Variants in PKHD1L1 observed in about 807,000 individuals in gnomAD.
PKHD1L1 encodes fibrocystin-L.
A neutral mutation model predicts 462.9 loss-of-function variants in PKHD1L1; 434 were observed. The observed-to-expected ratio is 0.94, with a 90% confidence interval of 0.87 to 1.02. PKHD1L1 has a LOEUF of 1.02. Among genes scored for constraint, PKHD1L1 ranks in the 50% least tolerant of loss-of-function variants. The probability of loss-of-function intolerance (pLI) is 0.00; values close to 1 mark genes in which losing one functional copy is unlikely to be tolerated. For missense variants in PKHD1L1, 5,202 were observed against 5,096.1 expected, an observed-to-expected ratio of 1.02 and a Z score of -0.63; for synonymous variants, 1,781 against 1,750.0, an observed-to-expected ratio of 1.02 and a Z score of -0.44.
intron 5 of PKHD1L1, 103 bp downstream of exon 5, chr8:109,384,230 AT>A (rs1229880429): frequency 1.1e-5 from 10 of 936,434 alleles, no homozygotes; most frequent in South Asian, 6.1e-5. Context: ...TTTAAATAGC[AT>A]TTTTTTCATT....
Position 109,381,393 on chromosome 8 carries a change from A to G in PKHD1L1, c.187A>G (p.Asn63Asp). The G allele has an allele frequency of 6.3e-7, 1 of 1,577,662 alleles. No individual in the cohort carries two copies. Among genetic ancestry groups the G allele is most frequent in the Non-Finnish European group, 8.6e-7 (1 of 1,159,852 alleles). Residue 63 changes from asparagine (N) to aspartate (D), a missense_variant, in exon 3 of 78, where the codon AAC becomes GAC. Asn to Asp is a conservative substitution (Grantham distance 23). Coordinates refer to ENST00000378402, the MANE Select transcript of PKHD1L1 (RefSeq NM_177531.6). ...GEGFSQANQF[N>D]YGVDNAELGN... ...AGGTTTTTCTCAAGCAAACCAGTTTAACTATGGAGTTGATAACGCTGAGTT... is the reference window on the plus strand; with the variant it reads ...AGGTTTTTCTCAAGCAAACCAGTTTGACTATGGAGTTGATAACGCTGAGTT...
At chr8:109,388,576 A>G in intron 7 of PKHD1L1, 26 bp downstream of exon 7, 3 of 1,442,240 alleles carry the variant, frequency 2.1e-6, no homozygotes, top group Non-Finnish European at 2.9e-6. Context: ...TATTTTCTTT[A>G]CAAAAACAAA....
At chr8:109,409,381 C>T (rs1394864274) in intron 18 of PKHD1L1, among the ~76,000 whole-genome samples, 1 of 152,022 alleles carries the variant, frequency 6.6e-6, no homozygotes, top group East Asian at 1.9e-4. Context: ...TCCTGAGTAG[C>T]TGGGACTACA....
chr8:109,456,835 T>C (rs995660198), intron 46 of PKHD1L1, among the ~76,000 whole-genome samples: 1 of 152,192 alleles, frequency 6.6e-6, no homozygotes, highest in African/African-American at 2.4e-5. Context: ...TGAACTCTCT[T>C]ATCTTACAGC....
intron 51 of PKHD1L1, 149 bp from the exon 52 acceptor site, chr8:109,476,359 A>G: frequency 3.7e-6 from 2 of 544,232 alleles, no homozygotes; most frequent in Admixed American, 3.6e-5. Context: ...ACGTTAATAA[A>G]CAAAATAGAA....
Position 109,485,181 on chromosome 8 carries a change from G to T in PKHD1L1, c.9706+8G>T. On this transcript the variant is annotated splice_region_variant and intron_variant, in intron 58 of 77. Coordinates refer to ENST00000378402, the MANE Select transcript of PKHD1L1 (RefSeq NM_177531.6). Reference sequence around the variant, plus strand: ...TTTCCTATACTCACTTTGGTAAGTGGATGCTTTTTAACCAAATAGATATAT... The same window carrying T: ...TTTCCTATACTCACTTTGGTAAGTGTATGCTTTTTAACCAAATAGATATAT... 6.4e-7 allele frequency: 1 copy of T among 1,553,706 alleles called. No individual in the cohort carries two copies. Among genetic ancestry groups the T allele is most frequent in the Non-Finnish European group, 8.7e-7 (1 of 1,147,180 alleles).
In PKHD1L1 at chr8:109,490,056, G is replaced by T; in HGVS notation, c.9984+1G>T. ...TGTAACGTTTCTTAACCTAGGACAG[G>T]TTTGTGCTTTATTTTTAATTTTGTG... is the stretch of plus-strand genomic sequence containing the variant. On this transcript the variant is annotated splice_donor_variant, in intron 60 of 77. Coordinates refer to ENST00000378402, the MANE Select transcript of PKHD1L1 (RefSeq NM_177531.6). LOFTEE classifies it high-confidence loss of function. The T allele has an allele frequency of 6.4e-7, 1 of 1,551,426 alleles. No individual in the cohort carries two copies. Among genetic ancestry groups the T allele is most frequent in the Non-Finnish European group, 8.7e-7 (1 of 1,143,558 alleles).
At chr8:109,367,330 T>C (rs996539764) in intron 2 of PKHD1L1, among the ~76,000 whole-genome samples, 4 of 152,266 alleles carry the variant, frequency 2.6e-5, no homozygotes, top group South Asian at 4.1e-4. Context: ...CAAGAACTAC[T>C]TCTAAATGGA....
chr8:109,442,449 A>G (rs918941678), intron 35 of PKHD1L1, among the ~76,000 whole-genome samples: 7 of 152,226 alleles, frequency 4.6e-5, no homozygotes, highest in Non-Finnish European at 1.0e-4. Flanking sequence ...TGAAAAACAT[A>G]TTGAAAAAGC....
chr8:109,412,259 CG>C lies in PKHD1L1; in HGVS notation c.2086-4del. The C allele has an allele frequency of 6.2e-7, 1 of 1,610,312 alleles. No homozygotes were observed. The highest frequency in any genetic ancestry group is 8.5e-7 in the Non-Finnish European group (1 of 1,178,418). ...GTTTTCATTTGAAATATTATTGTTTCGGTAGGAACATATTAACAGAGGGCAG... is the reference window on the plus strand; with the variant it reads ...GTTTTCATTTGAAATATTATTGTTTCGTAGGAACATATTAACAGAGGGCAG... On this transcript the variant is annotated splice_polypyrimidine_tract_variant and splice_region_variant and intron_variant, in intron 19 of 77. Coordinates refer to ENST00000378402, the MANE Select transcript of PKHD1L1 (RefSeq NM_177531.6).
Position 109,522,877 on chromosome 8 carries a change from C to A in PKHD1L1, c.12317C>A (p.Ala4106Glu). Reference sequence around the variant, plus strand: ...TTTCCTCAGCAGCCTTCGGTAAAGGCAACAGATTCTGACGTAAGTCATAAC... The same window carrying A: ...TTTCCTCAGCAGCCTTCGGTAAAGGAAACAGATTCTGACGTAAGTCATAAC... ...QPFPQQPSVK[A>E]TDSDGNCVSV... Residue 4106 changes from alanine to glutamate, a missense_variant, in exon 75 of 78, where the codon GCA becomes GAA. Around this residue, in one of 3 missense-constraint regions of PKHD1L1, gnomAD observed 698 missense variants for 736.3 expected, o/e 0.95. Transcript: ENST00000378402. 1.2e-6 allele frequency: 2 copies of A among 1,604,750 alleles called. No individual in the cohort carries two copies. The highest frequency in any genetic ancestry group is 1.7e-6 in the Non-Finnish European group (2 of 1,176,638).
rs377618280 is a variant in PKHD1L1, at chr8:109,441,175, T to A, written c.4100-100T>A. 13 of 798,926 alleles carry A rather than the reference T, an allele frequency of 1.6e-5. No homozygotes were observed. The East Asian group carries it at 2.0e-4, about 12-fold the overall frequency. The allele number at this position is 798,926 out of a possible 1,614,324, so 49.5% of individuals were successfully genotyped here. On this transcript the variant is annotated intron_variant, in intron 33 of 77. Coordinates refer to ENST00000378402, the MANE Select transcript of PKHD1L1 (RefSeq NM_177531.6). ...ATATAAGGCAGAGTTTTTTTTAGGG[T>A]CTTGGCTGTTGATGAATTATGCTTC...
chr8:109,440,990 G>A, intron 33 of PKHD1L1, 138 bp downstream of exon 33: 1 of 1,089,770 alleles, frequency 9.2e-7, no homozygotes, highest in African/African-American at 1.6e-5. Context: ...AGTGTATTTG[G>A]TTAAAGTGAT....
intron 21 of PKHD1L1, among the ~76,000 whole-genome samples, chr8:109,415,079 C>A (rs1490831335): frequency 1.3e-5 from 2 of 151,600 alleles, no homozygotes; most frequent in South Asian, 2.1e-4. Context: ...TTCACTGCAG[C>A]CTTCACCTTC....
rs546144726 is a variant in PKHD1L1 at position 109,533,171 on chromosome 8, C to T, written c.*3081C>T. On this transcript the variant is annotated 3_prime_UTR_variant, in exon 78 of 78. Transcript: ENST00000378402. The stretch of plus-strand genomic sequence containing the variant: ...GCTTCATTGGGAAGAGTTTTTAATC[C>T]AAATTCCTGTTCAAATTCTTGGTTT... Among the ~76,000 whole-genome samples the T allele has an allele frequency of 1.4e-4, 21 of 152,286 alleles. No homozygotes were observed. Among genetic ancestry groups the T allele is most frequent in the Admixed American group, 1.4e-3 (21 of 15,304 alleles).
chr8:109,382,533 T>C lies in PKHD1L1; in HGVS notation c.379T>C (p.Cys127Arg). 1 of 1,612,732 alleles carries C rather than the reference T, an allele frequency of 6.2e-7. No individual in the cohort carries two copies. The highest frequency in any genetic ancestry group is 8.5e-7 in the Non-Finnish European group (1 of 1,179,210). Residue 127 changes from cysteine (C) to arginine (R), a missense_variant, in exon 4 of 78, where the codon TGC becomes CGC. Transcript: ENST00000378402. ...GGTTCCTGTTACGGAAAATAACACC[T>C]GCAAAGGTCACATCAACAGCTGGGA... ...DGVPVTENNT[C>R]KGHINSWECT...
At chr8:109,389,286 C>T (rs1812593908) in intron 8 of PKHD1L1, 134 bp downstream of exon 8, 2 of 606,634 alleles carry the variant, frequency 3.3e-6, no homozygotes, top group East Asian at 6.0e-5. Context: ...TGTATTTTCT[C>T]TTTTCCTTGG....
chr8:109,444,138 A>G (rs1195197345), intron 37 of PKHD1L1, among the ~76,000 whole-genome samples: 3 of 151,522 alleles, frequency 2.0e-5, no homozygotes, highest in African/African-American at 7.3e-5. Flanking sequence ...AAAAACCCTA[A>G]AGCCCTTAGA....
At chr8:109,405,893 G>T (rs1442800655) in intron 16 of PKHD1L1, among the ~76,000 whole-genome samples, 4 of 152,040 alleles carry the variant, frequency 2.6e-5, no homozygotes, top group African/African-American at 4.8e-5. Context: ...ATTCATCATT[G>T]CACAGAAGTA....
Sources: gnomAD v4.1 joint callset for allele counts (sites outside exome capture counted in the v4.1 genomes callset) on GRCh38, gnomAD v4.1.1 for gene constraint, gnomAD v4.1.1 regional missense constraint, MANE v1.5 for transcripts, NCBI Gene and HGNC (gene_info 2026-07-23, HGNC 2026-07-21) for gene names.